The following BNC2 variants were observed in gnomAD, a reference collection of about 807,000 sequenced individuals.
The protein encoded by BNC2 is basonuclin zinc finger protein 2.
BNC2 carries 20 observed loss-of-function variants against 76.3 expected under a neutral mutation model. That is an observed-to-expected ratio of 0.26 (90% confidence interval 0.18 to 0.38). The LOEUF (loss-of-function observed/expected upper bound fraction) is 0.38. Ranked by LOEUF, BNC2 falls within the 10% of genes least tolerant of loss-of-function variation. The pLI, the probability that BNC2 is intolerant of heterozygous loss-of-function variation, is 1.00. For synonymous variants in BNC2, 582 were observed against 514.8 expected (o/e 1.13, Z -1.77); for missense variants, 1,382 against 1,399.8 (o/e 0.99, Z 0.20).
intron 3 of BNC2, among the ~76,000 whole-genome samples, chr9:16,709,283 C>T (rs141942138): frequency 1.3e-5 from 2 of 152,280 alleles, no homozygotes; most frequent in African/African-American, 2.4e-5. Context: ...GCATTAGGTA[C>T]CATCCGTCAA....
At chr9:16,450,386 T>C (rs1423728139) in intron 5 of BNC2, among the ~76,000 whole-genome samples, 1 of 152,232 alleles carries the variant, frequency 6.6e-6, no homozygotes, top group Non-Finnish European at 1.5e-5. Context: ...GGTAAATAAA[T>C]GTTTGTGTGA....
At chr9:16,767,542 GC>G (rs1400582289) in intron 1 of BNC2, among the ~76,000 whole-genome samples, 1 of 67,464 alleles carries the variant, frequency 1.5e-5, no homozygotes, top group Non-Finnish European at 5.3e-5. Flanking sequence ...AGTAGAGTCA[GC>G]CTGTATACAG....
At chr9:16,772,575 A>G (rs191810369) in intron 1 of BNC2, among the ~76,000 whole-genome samples, 21 of 151,932 alleles carry the variant, frequency 1.4e-4, no homozygotes, top group East Asian at 1.2e-3. Flanking sequence ...AAACCTAGGG[A>G]AAAAAAACCT....
At chr9:16,748,367 G>A (rs1825070507) in intron 1 of BNC2, among the ~76,000 whole-genome samples, 1 of 152,012 alleles carries the variant, frequency 6.6e-6, no homozygotes, top group African/African-American at 2.4e-5. Flanking sequence ...ACAAAAATTA[G>A]TTGGGCATGG....
chr9:16,761,093 C>T (rs1293162546), intron 1 of BNC2, among the ~76,000 whole-genome samples: 1 of 149,050 alleles, frequency 6.7e-6, no homozygotes, highest in African/African-American at 2.4e-5. Flanking sequence ...AAAAAAAATA[C>T]AAAAATTAGC....
chr9:16,714,991 A>G (rs1261622519), intron 3 of BNC2, among the ~76,000 whole-genome samples: 1 of 152,210 alleles, frequency 6.6e-6, no homozygotes, highest in Non-Finnish European at 1.5e-5. Context: ...TGCATGAATT[A>G]GTAGGGGGAA....
intron 1 of BNC2, among the ~76,000 whole-genome samples, chr9:16,786,836 C>G (rs1230350757): frequency 2.6e-5 from 4 of 152,090 alleles, no homozygotes; most frequent in Non-Finnish European, 5.9e-5. Context: ...TAACTCCCAC[C>G]CTGCAACAGT....
At chr9:16,714,808 A>G (rs991728474) in intron 3 of BNC2, among the ~76,000 whole-genome samples, 1 of 152,214 alleles carries the variant, frequency 6.6e-6, no homozygotes, top group Non-Finnish European at 1.5e-5. Context: ...ATTCAAACCA[A>G]TTAATTACCT....
At chr9:16,579,831 C>A (rs973596013) in intron 4 of BNC2, 2 of 321,278 alleles carry the variant, frequency 6.2e-6, no homozygotes, top group African/African-American at 4.3e-5. Context: ...AGGAGGTCAA[C>A]AAATTTCTAA....
At chr9:16,743,516 G>T (rs571773761) in intron 1 of BNC2, among the ~76,000 whole-genome samples, 5 of 152,076 alleles carry the variant, frequency 3.3e-5, no homozygotes, top group Non-Finnish European at 7.4e-5. Flanking sequence ...GTGTAGTATT[G>T]TGGGTGTCAT....
intron 4 of BNC2, among the ~76,000 whole-genome samples, chr9:16,581,042 G>A (rs532158035): frequency 4.6e-5 from 7 of 152,200 alleles, no homozygotes; most frequent in South Asian, 2.1e-4. Flanking sequence ...CTATTACCCA[G>A]CAAAACCAAT....
intron 4 of BNC2, among the ~76,000 whole-genome samples, chr9:16,576,672 G>A (rs1249416595): frequency 6.6e-6 from 1 of 152,200 alleles, no homozygotes; most frequent in Admixed American, 6.5e-5. Context: ...CAACGAACTT[G>A]AGGAATTTGT....
intron 6 of BNC2, among the ~76,000 whole-genome samples, chr9:16,429,122 T>C (rs571586815): frequency 1.3e-5 from 2 of 152,268 alleles, no homozygotes; most frequent in East Asian, 1.9e-4. Context: ...GGGAGTCTTA[T>C]GGCAAGCACA....
chr9:16,559,869 T>C (rs1265413036), intron 4 of BNC2, among the ~76,000 whole-genome samples: 4 of 152,252 alleles, frequency 2.6e-5, no homozygotes, highest in Non-Finnish European at 2.9e-5. Flanking sequence ...GTAATTTATG[T>C]TGTGGCCTCC....
chr9:16,493,130 C>A (rs187012972), intron 5 of BNC2, among the ~76,000 whole-genome samples: 1 of 152,030 alleles, frequency 6.6e-6, no homozygotes. Context: ...AGTCCTATTT[C>A]GAAGAAATAA....
intron 5 of BNC2, among the ~76,000 whole-genome samples, chr9:16,471,247 T>C (rs1325841382): frequency 6.6e-6 from 1 of 152,090 alleles, no homozygotes; most frequent in Admixed American, 6.5e-5. Context: ...ATTTACCCAA[T>C]ACCTATACCT....
At chr9:16,672,351 G>A (rs143279979) in intron 3 of BNC2, among the ~76,000 whole-genome samples, 2,848 of 152,228 alleles carry the variant, frequency 0.019, 93 homozygotes, top group African/African-American at 0.064. Flanking sequence ...CAAAAAATTA[G>A]CTGGGCATGG....
intron 1 of BNC2, among the ~76,000 whole-genome samples, chr9:16,824,879 T>C (rs189859608): frequency 1.2e-4 from 18 of 152,202 alleles, no homozygotes; most frequent in South Asian, 6.2e-4. Context: ...TTCCTGTGCA[T>C]AGATTGTTTG....
chr9:16,440,422 CTT>C (rs547711815), intron 5 of BNC2, among the ~76,000 whole-genome samples: 237 of 152,308 alleles, frequency 1.6e-3, no homozygotes, highest in Admixed American at 2.9e-3. Context: ...AATCTACTCT[CTT>C]GAGTGTTCTT....
Sources: gnomAD v4.1 joint callset for allele counts (sites outside exome capture counted in the v4.1 genomes callset) on GRCh38, gnomAD v4.1.1 for gene constraint, MANE v1.5 for transcripts, NCBI Gene and HGNC (gene_info 2026-07-23, HGNC 2026-07-21) for gene names.